The following SCAMP1 variants were observed in gnomAD, a reference collection of about 807,000 sequenced individuals.
The protein encoded by SCAMP1 is secretory carrier membrane protein 1.
In SCAMP1, 15 loss-of-function variants were observed where a neutral mutation model predicts 41.8. That is an observed-to-expected ratio of 0.36 (90% CI 0.24 to 0.55). The LOEUF (loss-of-function observed/expected upper bound fraction) is 0.55, where lower values mean the gene tolerates loss of function less well. SCAMP1 is among the 20% of genes least tolerant of loss of function. The pLI, the probability that SCAMP1 is intolerant of heterozygous loss-of-function variation, is 0.86. For synonymous variants in SCAMP1, 135 were observed against 136.8 expected (o/e 0.99, Z 0.09); for missense variants, 341 against 412.6 (o/e 0.83, Z 1.50).
chr5:78,467,118 A>C (rs61288081), intron 8 of SCAMP1, among the ~76,000 whole-genome samples: 8,209 of 152,216 alleles, frequency 0.054, 433 homozygotes, highest in East Asian at 0.3. Flanking sequence ...AGGCTTTTGT[A>C]TATATGAGTT....
At chr5:78,466,220 G>C (rs988925763) in intron 8 of SCAMP1, among the ~76,000 whole-genome samples, 2 of 152,220 alleles carry the variant, frequency 1.3e-5, no homozygotes, top group Non-Finnish European at 2.9e-5. Flanking sequence ...CATATATTAC[G>C]TGCCAGGCAC....
chr5:78,399,740 T>G lies in SCAMP1; in HGVS notation c.135+10826T>G, dbSNP rs917705161. ...GATGAGAATATTTTCTCCCAGTCTG[T>G]GGTTTCTGTTCTCATTCTCTTGACA... On this transcript the variant is annotated intron_variant, in intron 2 of 8. Coordinates refer to ENST00000621999, the MANE Select transcript of SCAMP1 (RefSeq NM_004866.6). Among the ~76,000 whole-genome samples, 4 of 152,224 alleles carry G rather than the reference T, an allele frequency of 2.6e-5. 1 individual carries two copies. The highest frequency in any genetic ancestry group is 2.6e-4 in the Admixed American group (4 of 15,282).
chr5:78,435,590 G>A lies in SCAMP1; in HGVS notation c.632+13630G>A, dbSNP rs141074919. Among the ~76,000 whole-genome samples the A allele has an allele frequency of 5.9e-5, 9 of 152,314 alleles. No individual in the cohort carries two copies. In the East Asian group the frequency reaches 1.7e-3, roughly 29 times the overall value. ...TTATGGCTGCATAGTATTCCATGGT[G>A]TATATGTGCCACATTTTCTTAATCT... On this transcript the variant is annotated intron_variant, in intron 6 of 8. Coordinates refer to ENST00000621999, the MANE Select transcript of SCAMP1 (RefSeq NM_004866.6).
chr5:78,472,373 C>A lies in SCAMP1; in HGVS notation c.853-3131C>A, dbSNP rs568220356. On this transcript the variant is annotated intron_variant, in intron 8 of 8. Transcript: ENST00000621999. ...TATCTACATTAGGTATTTCTCCTAA[C>A]GCTATGCCTCCCCTTGCCCCCCACC... Among the ~76,000 whole-genome samples, 4 of 151,954 alleles carry A rather than the reference C, an allele frequency of 2.6e-5. No homozygotes were observed. In the East Asian group the frequency reaches 7.7e-4, roughly 29 times the overall value.
rs114314787 is a variant in SCAMP1 at position 78,451,442 on chromosome 5, T to C, written c.734+1408T>C. ...TTCATCACCAGAGGATTCCTCATGT[T>C]GCTTTTTCATAGCCACTCTCAAAAC... is the stretch of plus-strand genomic sequence containing the variant. On this transcript the variant is annotated intron_variant, in intron 7 of 8. Transcript: ENST00000621999. Among the ~76,000 whole-genome samples, 165 of 152,346 alleles carry C rather than the reference T, an allele frequency of 1.1e-3. 1 individual carries two copies. Among genetic ancestry groups the C allele is most frequent in the African/African-American group, 3.8e-3 (160 of 41,590 alleles).
At position 78,388,822 on chromosome 5, in the gene SCAMP1, T is replaced by G. The variant is rs1268040118; in HGVS notation, c.58-15T>G. ...GATAAGTAATCTTTTTTTTCTCCTT[T>G]GAATTTTATTCTAGGATCCATCAGT... On this transcript the variant is annotated splice_polypyrimidine_tract_variant and intron_variant, in intron 1 of 8. Coordinates refer to ENST00000621999, the MANE Select transcript of SCAMP1 (RefSeq NM_004866.6). The G allele has an allele frequency of 1.8e-5, 25 of 1,393,916 alleles. No homozygotes were observed. The highest frequency in any genetic ancestry group is 2.5e-5 in the Non-Finnish European group (25 of 1,000,398). 86.3% of individuals were successfully genotyped at this position (1,393,916 alleles called of 1,614,324 possible). A position where few individuals can be genotyped will look rare whatever the true frequency, so the allele number is the denominator to read the frequency against.
intron 1 of SCAMP1, among the ~76,000 whole-genome samples, chr5:78,362,580 G>C (rs1750684157): frequency 6.6e-6 from 1 of 152,204 alleles, no homozygotes; most frequent in African/African-American, 2.4e-5. Context: ...GATTATTCAA[G>C]TTTGTAAAAT....
intron 8 of SCAMP1, among the ~76,000 whole-genome samples, chr5:78,473,186 CTT>C (rs1222289301): frequency 6.6e-6 from 1 of 152,120 alleles, no homozygotes; most frequent in African/African-American, 2.4e-5. Flanking sequence ...TGTCAGTGCT[CTT>C]TTTCTTCCTG....
chr5:78,426,311 A>G (rs929747275), intron 6 of SCAMP1, among the ~76,000 whole-genome samples: 6 of 152,236 alleles, frequency 3.9e-5, no homozygotes, highest in Non-Finnish European at 7.3e-5. Flanking sequence ...GTACATACCC[A>G]GTAATGAGAT....
chr5:78,461,679 C>T (rs1240829119), intron 8 of SCAMP1, among the ~76,000 whole-genome samples: 1 of 152,136 alleles, frequency 6.6e-6, no homozygotes, highest in Non-Finnish European at 1.5e-5. Flanking sequence ...TCTCATGCCT[C>T]AGACAGCCAA....
intron 2 of SCAMP1, among the ~76,000 whole-genome samples, chr5:78,402,787 T>G (rs1751831418): frequency 6.6e-6 from 1 of 152,154 alleles, no homozygotes; most frequent in Non-Finnish European, 1.5e-5. Flanking sequence ...TCAAAGTGAT[T>G]ATTGATTTAG....
chr5:78,473,004 G>T (rs1753921905), intron 8 of SCAMP1, among the ~76,000 whole-genome samples: 1 of 152,036 alleles, frequency 6.6e-6, no homozygotes, highest in Admixed American at 6.6e-5. Flanking sequence ...CCAGTCATTT[G>T]TACTCACTTT....
At chr5:78,406,994 A>G (rs1275424103) in intron 2 of SCAMP1, among the ~76,000 whole-genome samples, 1 of 152,210 alleles carries the variant, frequency 6.6e-6, no homozygotes, top group Non-Finnish European at 1.5e-5. Context: ...GTAGTGGCAG[A>G]CACAGTTCTA....
At chr5:78,390,422 T>C (rs1751455819) in intron 2 of SCAMP1, among the ~76,000 whole-genome samples, 1 of 152,214 alleles carries the variant, frequency 6.6e-6, no homozygotes, top group Non-Finnish European at 1.5e-5. Context: ...GCCAATAAGC[T>C]GACCAGTTTT....
intron 6 of SCAMP1, among the ~76,000 whole-genome samples, chr5:78,426,281 A>G (rs1561271167): frequency 6.6e-6 from 1 of 152,172 alleles, no homozygotes; most frequent in Non-Finnish European, 1.5e-5. Context: ...TTTATGGCAG[A>G]ATGATTTATA....
Position 78,388,692 on chromosome 5 carries a change from A to G in SCAMP1, c.58-145A>G, listed in dbSNP as rs182484348. The G allele has an allele frequency of 1.4e-5, 7 of 492,366 alleles. No individual in the cohort carries two copies. The Admixed American group carries it at 1.6e-4, about 11-fold the overall frequency. The allele number at this position is 492,366 out of a possible 1,614,324, so 30.5% of individuals were successfully genotyped here. On this transcript the variant is annotated intron_variant, in intron 1 of 8. Transcript: ENST00000621999. ...AATTTCACCATTGTTGAAATGAGAC[A>G]GTAAATCTGAGAGCCTTCTTTTATT...
chr5:78,480,470 T>C lies in SCAMP1; in HGVS notation c.*4802T>C, dbSNP rs1754115808. On this transcript the variant is annotated 3_prime_UTR_variant, in exon 9 of 9. Coordinates refer to ENST00000621999, the MANE Select transcript of SCAMP1 (RefSeq NM_004866.6). Reference sequence around the variant, plus strand: ...TGCCAGTGATTCTCAAGATAAATCATGATTGTAGTAGTTGTTACTGTTGGC... The same window carrying C: ...TGCCAGTGATTCTCAAGATAAATCACGATTGTAGTAGTTGTTACTGTTGGC... 6.6e-6 allele frequency among the ~76,000 whole-genome samples: 1 copy of C among 152,228 alleles called. No homozygotes were observed. Among genetic ancestry groups the C allele is most frequent in the Non-Finnish European group, 1.5e-5 (1 of 68,038 alleles).
intron 2 of SCAMP1, among the ~76,000 whole-genome samples, chr5:78,405,336 G>T (rs1248325845): frequency 6.6e-6 from 1 of 152,058 alleles, no homozygotes; most frequent in East Asian, 1.9e-4. Flanking sequence ...CCCTCTCCCT[G>T]TGTATTCCTG....
chr5:78,431,036 G>C (rs1752607386), intron 6 of SCAMP1, among the ~76,000 whole-genome samples: 1 of 151,864 alleles, frequency 6.6e-6, no homozygotes, highest in Non-Finnish European at 1.5e-5. Flanking sequence ...AGAGAGCTTA[G>C]GTTCCTCCCT....
Sources: allele counts gnomAD v4.1 joint callset (sites outside exome capture counted in the v4.1 genomes callset), GRCh38; gene constraint gnomAD v4.1.1; transcripts MANE v1.5; gene names NCBI Gene and HGNC (gene_info 2026-07-23, HGNC 2026-07-21).